KCNH5: variants seen among roughly 807,000 people sequenced by gnomAD.
The protein encoded by KCNH5 is voltage-gated delayed rectifier potassium channel KCNH5.
KCNH5 carries 46 observed loss-of-function variants against 96.1 expected under a neutral mutation model. The observed-to-expected ratio is 0.48, with a 90% CI of 0.38 to 0.61. The LOEUF is 0.61. Among genes scored for constraint, KCNH5 ranks in the 20% least tolerant of loss-of-function variants. The pLI, the probability that KCNH5 is intolerant of heterozygous loss-of-function variation, is 0.00. For synonymous variants in KCNH5, 439 were observed against 449.8 expected, an observed-to-expected ratio of 0.98 and a Z score of 0.30; for missense variants, 907 against 1,225.8, an observed-to-expected ratio of 0.74 and a Z score of 3.88.
intron 7 of KCNH5, among the ~76,000 whole-genome samples, chr14:62,851,244 GT>G (rs1271828480): frequency 6.6e-6 from 1 of 152,058 alleles, no homozygotes; most frequent in East Asian, 1.9e-4. Flanking sequence ...GGAATACAGT[GT>G]TGACATTTCC....
At chr14:62,738,021 T>C (rs1885195787) in intron 10 of KCNH5, among the ~76,000 whole-genome samples, 1 of 152,046 alleles carries the variant, frequency 6.6e-6, no homozygotes, top group Non-Finnish European at 1.5e-5. Flanking sequence ...AAACAATTAA[T>C]CATAACATAA....
At chr14:63,034,206 C>T (rs555103838) in intron 1 of KCNH5, among the ~76,000 whole-genome samples, 2 of 152,112 alleles carry the variant, frequency 1.3e-5, no homozygotes, top group African/African-American at 2.4e-5. Flanking sequence ...GTATGAGCCA[C>T]GGCACCCAGC....
intron 9 of KCNH5, among the ~76,000 whole-genome samples, chr14:62,785,625 T>C (rs1032418120): frequency 1.3e-5 from 2 of 152,214 alleles, no homozygotes; most frequent in African/African-American, 2.4e-5. Context: ...CTCAGTTCTT[T>C]TCATCAAGTC....
At chr14:62,889,120 G>T (rs1330181154) in intron 7 of KCNH5, among the ~76,000 whole-genome samples, 2 of 152,130 alleles carry the variant, frequency 1.3e-5, no homozygotes, top group African/African-American at 2.4e-5. Context: ...TTTGTCTAAA[G>T]TTCCTATACC....
chr14:62,806,580 C>A (rs764210825), intron 8 of KCNH5, among the ~76,000 whole-genome samples: 6 of 152,078 alleles, frequency 3.9e-5, no homozygotes, highest in Non-Finnish European at 8.8e-5. Flanking sequence ...GCAGCACTGA[C>A]TGGATAACTT....
intron 1 of KCNH5, among the ~76,000 whole-genome samples, chr14:63,020,115 A>G (rs150222801): frequency 1.7e-3 from 264 of 152,286 alleles, no homozygotes; most frequent in Non-Finnish European, 3.1e-3. Flanking sequence ...AACTGAAAGC[A>G]CAACGATATA....
At chr14:63,039,322 A>C (rs1468629742) in intron 1 of KCNH5, among the ~76,000 whole-genome samples, 1 of 152,094 alleles carries the variant, frequency 6.6e-6, no homozygotes, top group Non-Finnish European at 1.5e-5. Context: ...ATATTATTTA[A>C]TAATTTTAAA....
chr14:62,755,874 T>C (rs1885611854), intron 10 of KCNH5, among the ~76,000 whole-genome samples: 1 of 152,182 alleles, frequency 6.6e-6, no homozygotes, highest in Non-Finnish European at 1.5e-5. Flanking sequence ...ATCATTTCAA[T>C]TGATGCTGAA....
chr14:62,999,943 T>C (rs577665016), intron 4 of KCNH5, among the ~76,000 whole-genome samples: 3 of 152,116 alleles, frequency 2.0e-5, no homozygotes, highest in South Asian at 4.1e-4. Context: ...GTAGTATTTA[T>C]AGTTATCTTA....
chr14:62,976,153 C>T lies in KCNH5; in HGVS notation c.942+4719G>A, dbSNP rs536885385. ...CAGTGGCTCACGCCTGTAATCCCAG[C>T]ACTTTGGGAGGCCAAGACGGGTGGA... is the stretch of plus-strand genomic sequence containing the variant. On this transcript the variant is annotated intron_variant, in intron 6 of 10. Coordinates refer to ENST00000322893, the MANE Select transcript of KCNH5 (RefSeq NM_139318.5). Among the ~76,000 whole-genome samples the T allele has an allele frequency of 2.3e-3, 340 of 150,696 alleles. 3 individuals are homozygous for T. Among genetic ancestry groups the T allele is most frequent in the African/African-American group, 7.1e-3 (291 of 41,134 alleles).
In KCNH5 at chr14:62,849,770, C is replaced by T. The variant is rs757865714; in HGVS notation, c.1452G>A (p.Met484Ile). Residue 484 changes from methionine (M) to isoleucine (I), a missense_variant, in exon 8 of 11, where the codon ATG becomes ATA. Around this residue, in one of 6 missense-constraint regions of KCNH5, gnomAD observed 95 missense variants for 111.8 expected, o/e 0.85. Coordinates refer to ENST00000322893, the MANE Select transcript of KCNH5 (RefSeq NM_139318.5). ...MYANTNRYHE[M>I]LNNVRDFLKL... The stretch of plus-strand genomic sequence containing the variant: ...TTAGGAAGTCCCGTACATTATTCAG[C>T]ATCTCATGGTATCGGTTGGTGTTGG... 1 of 1,613,854 alleles carries T rather than the reference C, an allele frequency of 6.2e-7. No homozygotes were observed. Among genetic ancestry groups the T allele is most frequent in the Non-Finnish European group, 8.5e-7 (1 of 1,179,830 alleles).
rs1891152126 is a variant in KCNH5, at chr14:63,007,675, T to A, written c.198-1203A>T. ...TGGACCTTATGTTCCCATACTATCA[T>A]TAAAAAAGTGAGGATTGCATATGAT... On this transcript the variant is annotated intron_variant, in intron 2 of 10. Transcript: ENST00000322893. 2.6e-5 allele frequency among the ~76,000 whole-genome samples: 4 copies of A among 152,278 alleles called. No individual in the cohort carries two copies. The South Asian group carries it at 6.2e-4, about 24-fold the overall frequency.
intron 10 of KCNH5, among the ~76,000 whole-genome samples, chr14:62,717,508 C>A (rs1386702029): frequency 6.6e-6 from 1 of 152,110 alleles, no homozygotes; most frequent in Non-Finnish European, 1.5e-5. Flanking sequence ...CGGTTTTTGA[C>A]AAGGTTGTCA....
intron 9 of KCNH5, among the ~76,000 whole-genome samples, chr14:62,793,609 T>G (rs1390781633): frequency 6.6e-6 from 1 of 151,838 alleles, no homozygotes; most frequent in African/African-American, 2.4e-5. Flanking sequence ...TATTGTTACT[T>G]GTCTTCTGTT....
intron 8 of KCNH5, among the ~76,000 whole-genome samples, chr14:62,814,421 C>G (rs953235091): frequency 1.3e-5 from 2 of 152,088 alleles, no homozygotes; most frequent in Non-Finnish European, 2.9e-5. Context: ...AGTGCTTTTA[C>G]ATACCTGTGA....
chr14:62,877,240 C>G (rs879787736), intron 7 of KCNH5, among the ~76,000 whole-genome samples: 6 of 151,434 alleles, frequency 4.0e-5, no homozygotes, highest in Non-Finnish European at 7.4e-5. Context: ...CCATAAAAAC[C>G]CTAGAAGAAA....
chr14:63,029,569 A>G (rs1333815436), intron 1 of KCNH5, among the ~76,000 whole-genome samples: 1 of 152,050 alleles, frequency 6.6e-6, no homozygotes, highest in African/African-American at 2.4e-5. Flanking sequence ...AACCTAGAAA[A>G]AATAAACTGT....
chr14:62,981,028 G>A lies in KCNH5; in HGVS notation c.786C>T (p.Ile262=), dbSNP rs2139568391. 8 of 1,614,102 alleles carry A rather than the reference G, an allele frequency of 5.0e-6. No homozygotes were observed. Among genetic ancestry groups the A allele is most frequent in the Non-Finnish European group, 6.8e-6 (8 of 1,180,018 alleles). The part of the protein sequence containing the change: ...SVVDVIFLVD[I]VLNFHTTFVG... ...CGAAAGTCGTGTGAAAATTTAAAAC[G>A]ATGTCAACCAGAAAAATAACGTCCA... The change falls in exon 6 of 11, where the codon ATC becomes ATT. Residue 262 remains isoleucine, a synonymous_variant. Transcript: ENST00000322893.
chr14:62,743,421 T>C (rs1885312944), intron 10 of KCNH5, among the ~76,000 whole-genome samples: 1 of 152,240 alleles, frequency 6.6e-6, no homozygotes, highest in Non-Finnish European at 1.5e-5. Context: ...ATGAAATCTT[T>C]TGGTTTTGTT....
Sources: allele counts gnomAD v4.1 joint callset (sites outside exome capture counted in the v4.1 genomes callset), GRCh38; gene constraint gnomAD v4.1.1; regional missense constraint gnomAD v4.1.1; transcripts MANE v1.5; gene names NCBI Gene and HGNC (gene_info 2026-07-23, HGNC 2026-07-21).